ANKRD12: variants seen among roughly 807,000 people sequenced by gnomAD.
ANKRD12 encodes the protein ankyrin repeat domain 12.
Under a neutral mutation model 183.4 loss-of-function variants are expected in ANKRD12, and 85 were observed. The observed-to-expected ratio is 0.46, with a 90% CI of 0.39 to 0.56. The LOEUF is 0.56. Ranked by LOEUF, ANKRD12 falls within the 20% of genes least tolerant of loss-of-function variation. The pLI, the probability that ANKRD12 is intolerant of heterozygous loss-of-function variation, is 0.00. For missense variants in ANKRD12, 2,405 were observed against 2,357.1 expected (o/e 1.02, Z -0.42); for synonymous variants, 914 against 800.2 (o/e 1.14, Z -2.40).
At chr18:9,200,874 T>C (rs1446276858) in intron 3 of ANKRD12, among the ~76,000 whole-genome samples, 2 of 152,240 alleles carry the variant, frequency 1.3e-5, no homozygotes, top group East Asian at 3.8e-4. Context: ...CATCAGGCAC[T>C]GATCTCTTTT....
At chr18:9,193,854 A>C (rs747047560) in intron 2 of ANKRD12, among the ~76,000 whole-genome samples, 33 of 152,336 alleles carry the variant, frequency 2.2e-4, no homozygotes, top group Admixed American at 6.5e-4. Context: ...TATGAAGCAC[A>C]TTTCTCACAA....
intron 8 of ANKRD12, among the ~76,000 whole-genome samples, chr18:9,247,176 A>G (rs903771106): frequency 6.6e-6 from 1 of 152,094 alleles, no homozygotes. Context: ...TTGTTTTGCC[A>G]TAGAGCCTAC....
intron 11 of ANKRD12, 140 bp from the exon 12 acceptor site, chr18:9,279,409 A>G: frequency 1.8e-6 from 1 of 563,040 alleles, no homozygotes; most frequent in South Asian, 2.3e-5. Context: ...TACCAACTTC[A>G]GCAGTATTCA....
chr18:9,233,644 G>C (rs188638178), intron 8 of ANKRD12, among the ~76,000 whole-genome samples: 1 of 152,172 alleles, frequency 6.6e-6, no homozygotes, highest in East Asian at 1.9e-4. Flanking sequence ...CTGGGTGCGC[G>C]TGATAGTGCA....
At chr18:9,186,556 T>C (rs998751837) in intron 2 of ANKRD12, among the ~76,000 whole-genome samples, 15 of 152,264 alleles carry the variant, frequency 9.9e-5, no homozygotes, top group African/African-American at 3.6e-4. Flanking sequence ...TAGAAGTATT[T>C]TCCTCAGTCT....
At chr18:9,172,948 C>T (rs182178412) in intron 1 of ANKRD12, among the ~76,000 whole-genome samples, 2 of 151,840 alleles carry the variant, frequency 1.3e-5, no homozygotes, top group East Asian at 3.9e-4. Context: ...GTTGCCCAGG[C>T]TAGAGTACAG....
At chr18:9,267,802 A>C (rs1044507234) in intron 10 of ANKRD12, among the ~76,000 whole-genome samples, 2 of 152,304 alleles carry the variant, frequency 1.3e-5, no homozygotes, top group Middle Eastern at 3.4e-3. Flanking sequence ...AGAGACACAA[A>C]AAACCCTTCA....
At chr18:9,233,827 A>T (rs2037190895) in intron 8 of ANKRD12, among the ~76,000 whole-genome samples, 1 of 152,126 alleles carries the variant, frequency 6.6e-6, no homozygotes, top group African/African-American at 2.4e-5. Flanking sequence ...AACATGCCTT[A>T]TTCTGAGCCC....
At chr18:9,216,923 A>G in intron 7 of ANKRD12, 23 bp downstream of exon 7, 4 of 1,605,038 alleles carry the variant, frequency 2.5e-6, no homozygotes, top group South Asian at 2.2e-5. Context: ...GAAAAAAATC[A>G]ATAATACACA....
chr18:9,165,703 ATTTATT>A (rs1049853586), intron 1 of ANKRD12, among the ~76,000 whole-genome samples: 1 of 151,216 alleles, frequency 6.6e-6, no homozygotes, highest in Non-Finnish European at 1.5e-5. Flanking sequence ...TCCTTTTTTT[ATTTATT>A]TTTATTTTTT....
chr18:9,233,965 A>T (rs2037198538), intron 8 of ANKRD12, among the ~76,000 whole-genome samples: 1 of 152,168 alleles, frequency 6.6e-6, no homozygotes, highest in Non-Finnish European at 1.5e-5. Flanking sequence ...CTCAGGTCCC[A>T]GCGTGGTAGG....
intron 1 of ANKRD12, among the ~76,000 whole-genome samples, chr18:9,146,381 T>TC (rs2078494020): frequency 6.6e-6 from 1 of 152,050 alleles, no homozygotes; most frequent in Admixed American, 6.5e-5. Flanking sequence ...ATAGTGAGAC[T>TC]CCATCTACAA....
chr18:9,145,816 TAGG>T (rs1459103734), intron 1 of ANKRD12, among the ~76,000 whole-genome samples: 3 of 152,202 alleles, frequency 2.0e-5, no homozygotes, highest in Non-Finnish European at 2.9e-5. Flanking sequence ...AGAATTTAAA[TAGG>T]AGGTAACTAT....
chr18:9,238,383 T>G (rs1412809458), intron 8 of ANKRD12, among the ~76,000 whole-genome samples: 6 of 152,212 alleles, frequency 3.9e-5, no homozygotes, highest in Admixed American at 3.9e-4. Context: ...ACATTTCTCT[T>G]AAGCTTCAAA....
intron 9 of ANKRD12, chr18:9,260,474 G>A (rs1339533564): frequency 6.6e-6 from 1 of 152,148 alleles, no homozygotes; most frequent in Non-Finnish European, 1.5e-5. Flanking sequence ...GGAAATCAAG[G>A]GGAGTAAAAC....
chr18:9,280,310 G>T (rs117653403), intron 12 of ANKRD12, among the ~76,000 whole-genome samples: 3,072 of 152,240 alleles, frequency 0.02, 47 homozygotes, highest in Middle Eastern at 0.054. Flanking sequence ...CTAACAGGAG[G>T]CTGAGCTCAG....
intron 1 of ANKRD12, among the ~76,000 whole-genome samples, chr18:9,166,688 G>GT (rs2032107556): frequency 6.6e-6 from 1 of 151,904 alleles, no homozygotes; most frequent in Non-Finnish European, 1.5e-5. Context: ...TCTGATGGTA[G>GT]TTTCTTTTGC....
At chr18:9,271,400 G>A (rs374799678) in intron 10 of ANKRD12, among the ~76,000 whole-genome samples, 281 of 152,192 alleles carry the variant, frequency 1.8e-3, no homozygotes, top group African/African-American at 6.4e-3. Flanking sequence ...CGGCACACGC[G>A]TTTAGCAACT....
At chr18:9,264,549 T>C (rs2039166816) in intron 10 of ANKRD12, among the ~76,000 whole-genome samples, 1 of 152,232 alleles carries the variant, frequency 6.6e-6, no homozygotes, top group African/African-American at 2.4e-5. Context: ...CTTAATTTTT[T>C]TCCTACTGTG....
Sources: allele counts gnomAD v4.1 joint callset (sites outside exome capture counted in the v4.1 genomes callset), GRCh38; gene constraint gnomAD v4.1.1; transcripts MANE v1.5; gene names NCBI Gene and HGNC (gene_info 2026-07-23, HGNC 2026-07-21).